The following SPON1 variants were observed in gnomAD, a reference collection of about 807,000 sequenced individuals.
SPON1 encodes spondin-1.
SPON1 carries 52 observed loss-of-function variants against 111.7 expected under a neutral mutation model. The observed-to-expected ratio is 0.47, with a 90% CI of 0.37 to 0.59. The LOEUF is 0.59. Among genes scored for constraint, SPON1 ranks in the 20% least tolerant of loss-of-function variants. The pLI is 0.00. For missense variants in SPON1, 957 were observed against 1,068.5 expected, an observed-to-expected ratio of 0.90 and a Z score of 1.46; for synonymous variants, 410 against 395.8, an observed-to-expected ratio of 1.04 and a Z score of -0.43.
At chr11:14,209,446 G>C (rs928470209) in intron 6 of SPON1, among the ~76,000 whole-genome samples, 3 of 151,946 alleles carry the variant, frequency 2.0e-5, no homozygotes, top group African/African-American at 7.3e-5. Flanking sequence ...GGTGTGTGAT[G>C]CTCCCCTCCC....
Position 13,982,782 on chromosome 11 carries a change from C to G in SPON1, c.239-65C>G. Reference sequence around the variant, plus strand: ...ATATCGATGGAGAACTCAGGTCTATCCCATTTGACAAATGGACAATAATTG... The same window carrying G: ...ATATCGATGGAGAACTCAGGTCTATGCCATTTGACAAATGGACAATAATTG... On this transcript the variant is annotated intron_variant, in intron 1 of 15. Coordinates refer to ENST00000576479, the MANE Select transcript of SPON1 (RefSeq NM_006108.4). The G allele has an allele frequency of 4.5e-6, 5 of 1,118,472 alleles. No homozygotes were observed. In the South Asian group the frequency reaches 6.9e-5, roughly 15 times the overall value. 69.3% of individuals were successfully genotyped at this position (1,118,472 alleles called of 1,614,324 possible).
At chr11:13,992,897 A>C (rs1848242632) in intron 2 of SPON1, among the ~76,000 whole-genome samples, 1 of 152,058 alleles carries the variant, frequency 6.6e-6, no homozygotes, top group Non-Finnish European at 1.5e-5. Context: ...CTGTCCAACC[A>C]GTCCCAATGA....
intron 1 of SPON1, among the ~76,000 whole-genome samples, chr11:13,976,685 G>C (rs1316205806): frequency 6.6e-6 from 1 of 152,174 alleles, no homozygotes; most frequent in African/African-American, 2.4e-5. Flanking sequence ...ACATTGTTTA[G>C]GAATCTTTTA....
rs116764382 is a variant in SPON1 at position 14,043,908 on chromosome 11, A to G, written c.479+2254A>G. ...TTCTATTAGCCCAGGCATCCAGGAT[A>G]TACACAATGGAGGTATATTCTTGAC... On this transcript the variant is annotated intron_variant, in intron 3 of 15. Transcript: ENST00000576479. 5.1e-3 allele frequency among the ~76,000 whole-genome samples: 782 copies of G among 152,372 alleles called. 8 individuals are homozygous for G. Among genetic ancestry groups the G allele is most frequent in the African/African-American group, 0.018 (752 of 41,592 alleles).
intron 3 of SPON1, among the ~76,000 whole-genome samples, chr11:14,042,543 C>A (rs1848639787): frequency 6.6e-6 from 1 of 152,096 alleles, no homozygotes; most frequent in Admixed American, 6.5e-5. Context: ...GGATTTCATA[C>A]CAGCAAATTA....
intron 3 of SPON1, among the ~76,000 whole-genome samples, chr11:14,060,851 G>A (rs1370755573): frequency 2.0e-5 from 3 of 152,178 alleles, no homozygotes; most frequent in Non-Finnish European, 2.9e-5. Flanking sequence ...ACATCCAGTA[G>A]GTCCCAGTTA....
At chr11:14,164,165 C>T (rs577177893) in intron 6 of SPON1, among the ~76,000 whole-genome samples, 78 of 152,324 alleles carry the variant, frequency 5.1e-4, no homozygotes, top group Middle Eastern at 3.4e-3. Context: ...AAAAGAAATT[C>T]GTTTATCCAC....
intron 5 of SPON1, among the ~76,000 whole-genome samples, chr11:14,131,606 T>A (rs1847530753): frequency 6.6e-6 from 1 of 152,356 alleles, no homozygotes; most frequent in Middle Eastern, 3.4e-3. Flanking sequence ...TACAACTCTT[T>A]ACAGCTTTCA....
intron 2 of SPON1, among the ~76,000 whole-genome samples, chr11:14,013,441 T>C (rs559498698): frequency 2.7e-4 from 41 of 152,282 alleles, no homozygotes; most frequent in Middle Eastern, 3.4e-3. Context: ...TGTCAATTAA[T>C]AAACTTGGCC....
At chr11:14,013,200 T>A (rs1490128682) in intron 2 of SPON1, among the ~76,000 whole-genome samples, 2 of 152,220 alleles carry the variant, frequency 1.3e-5, no homozygotes, top group African/African-American at 4.8e-5. Context: ...CTGCTAATTC[T>A]TAGGCTGATT....
chr11:14,025,474 T>C (rs568778192), intron 2 of SPON1, among the ~76,000 whole-genome samples: 1 of 152,326 alleles, frequency 6.6e-6, no homozygotes, highest in East Asian at 1.9e-4. Context: ...GGTTGTCATC[T>C]TAAATGTCCA....
chr11:14,020,275 A>G (rs1286574165), intron 2 of SPON1, among the ~76,000 whole-genome samples: 1 of 152,186 alleles, frequency 6.6e-6, no homozygotes, highest in African/African-American at 2.4e-5. Context: ...AGAAATCCAG[A>G]GAAGCACCCC....
At chr11:14,170,811 T>G (rs1457616217) in intron 6 of SPON1, among the ~76,000 whole-genome samples, 1 of 152,244 alleles carries the variant, frequency 6.6e-6, no homozygotes, top group Non-Finnish European at 1.5e-5. Context: ...GATTTTCGTA[T>G]GTTGAATCAG....
chr11:14,034,742 T>C (rs1554916437), intron 2 of SPON1, among the ~76,000 whole-genome samples: 1 of 152,180 alleles, frequency 6.6e-6, no homozygotes, highest in Non-Finnish European at 1.5e-5. Context: ...TCCAGACAGA[T>C]CACTCTGAGC....
chr11:14,046,762 G>T (rs1314754815), intron 3 of SPON1, among the ~76,000 whole-genome samples: 1 of 152,118 alleles, frequency 6.6e-6, no homozygotes, highest in African/African-American at 2.4e-5. Context: ...AAATCATTTT[G>T]GGATTTCGAA....
chr11:14,195,433 A>G (rs1554934959), intron 6 of SPON1, among the ~76,000 whole-genome samples: 1 of 152,224 alleles, frequency 6.6e-6, no homozygotes, highest in East Asian at 1.9e-4. Context: ...AAAGGACAAA[A>G]GCTGGAATTA....
Position 14,107,135 on chromosome 11 carries a change from A to C in SPON1, c.676+27114A>C, listed in dbSNP as rs563519740. ...GAACAATGAAAAGCAGAAGGCTTTC[A>C]TTTTACATCTGGCTCCTTGAAATGG... On this transcript the variant is annotated intron_variant, in intron 5 of 15. Coordinates refer to ENST00000576479, the MANE Select transcript of SPON1 (RefSeq NM_006108.4). Among the ~76,000 whole-genome samples, 53 of 152,276 alleles carry C rather than the reference A, an allele frequency of 3.5e-4. 1 individual carries two copies. Among genetic ancestry groups the C allele is most frequent in the African/African-American group, 1.2e-3 (49 of 41,548 alleles).
rs544767712 is a variant in SPON1 at position 14,135,682 on chromosome 11, A to G, written c.825+114A>G. 124 of 1,082,812 alleles carry G rather than the reference A, an allele frequency of 1.1e-4. No homozygotes were observed. In the South Asian group the frequency reaches 1.6e-3, roughly 14 times the overall value. The allele number at this position is 1,082,812 out of a possible 1,614,324, so 67.1% of individuals were successfully genotyped here. Reference sequence around the variant, plus strand: ...AGTACAATGTGGTGGAAGAAAATCTATTTGCTGAGTTTGGGGGTTTTATGT... The same window carrying G: ...AGTACAATGTGGTGGAAGAAAATCTGTTTGCTGAGTTTGGGGGTTTTATGT... On this transcript the variant is annotated intron_variant, in intron 6 of 15. Coordinates refer to ENST00000576479, the MANE Select transcript of SPON1 (RefSeq NM_006108.4). This position sits in a 1 kb window ranked among gnomAD's most constrained non-coding sequence, Gnocchi z 4.4.
At chr11:14,071,368 C>T (rs1051157188) in intron 3 of SPON1, among the ~76,000 whole-genome samples, 2 of 152,110 alleles carry the variant, frequency 1.3e-5, no homozygotes, top group Admixed American at 1.3e-4. Flanking sequence ...GACTCTCACT[C>T]TCAACTCTGC....
Sources: gnomAD v4.1 joint callset for allele counts (sites outside exome capture counted in the v4.1 genomes callset) on GRCh38, gnomAD v4.1.1 for gene constraint, Gnocchi (gnomAD v3.1) non-coding constraint, MANE v1.5 for transcripts, NCBI Gene and HGNC (gene_info 2026-07-23, HGNC 2026-07-21) for gene names.